Variants in PCDH19 observed in about 807,000 individuals in gnomAD.
The protein encoded by PCDH19 is protocadherin-19.
PCDH19 carries 6 observed loss-of-function variants against 46.2 expected under a neutral mutation model. The observed-to-expected ratio is 0.13, with a 90% CI of 0.07 to 0.26. PCDH19 has a LOEUF of 0.26. PCDH19 is among the 10% of genes least tolerant of loss of function. PCDH19 has a pLI of 1.00. For missense variants in PCDH19, 740 were observed against 972.3 expected (o/e 0.76, Z 3.18); for synonymous variants, 481 against 415.7 (o/e 1.16, Z -1.91).
chrX:100,393,464 C>T (rs1298911801), intron 3 of PCDH19, among the ~76,000 whole-genome samples: 1 of 96,740 alleles, frequency 1.0e-5, no homozygotes, highest in East Asian at 3.3e-4. Flanking sequence ...CTCCTTTCCC[C>T]CTCTCCCTCT....
intron 3 of PCDH19, among the ~76,000 whole-genome samples, chrX:100,352,035 G>A (rs1926586656): frequency 8.9e-6 from 1 of 112,435 alleles, no homozygotes; most frequent in Non-Finnish European, 1.9e-5. Context: ...CACTTACTCA[G>A]GTATGTTCAT....
intron 5 of PCDH19, among the ~76,000 whole-genome samples, chrX:100,328,728 C>A (rs757707826): frequency 7.1e-5 from 8 of 111,907 alleles, no homozygotes; most frequent in Non-Finnish European, 1.3e-4. Context: ...ACTACAGAAC[C>A]AACTTTTCCT....
intron 5 of PCDH19, among the ~76,000 whole-genome samples, chrX:100,317,416 G>T (rs1569290199): frequency 9.0e-6 from 1 of 111,431 alleles, no homozygotes; most frequent in Non-Finnish European, 1.9e-5. Flanking sequence ...CTGGGAAAGA[G>T]AATGAATGCT....
At chrX:100,322,514 ATTTGTTTT>A (rs922086024) in intron 5 of PCDH19, among the ~76,000 whole-genome samples, 2 of 109,338 alleles carry the variant, frequency 1.8e-5, no homozygotes, top group African/African-American at 6.7e-5. Context: ...ATTCCTCCAG[ATTTGTTTT>A]TTTGTTTTTT....
At chrX:100,329,892 A>G (rs961149813) in intron 5 of PCDH19, among the ~76,000 whole-genome samples, 3 of 112,024 alleles carry the variant, frequency 2.7e-5, no homozygotes, top group African/African-American at 9.7e-5. Context: ...AGCCTGGGCG[A>G]CACAGGGAGA....
At chrX:100,400,214 G>A (rs1024240589) in intron 3 of PCDH19, among the ~76,000 whole-genome samples, 1 of 111,842 alleles carries the variant, frequency 8.9e-6, no homozygotes, top group African/African-American at 3.3e-5. Context: ...TACTTTGTAG[G>A]ATGTATCTAT....
intron 3 of PCDH19, among the ~76,000 whole-genome samples, chrX:100,356,430 G>A (rs1384055133): frequency 1.8e-5 from 2 of 111,388 alleles, no homozygotes; most frequent in African/African-American, 6.5e-5. Context: ...ATGTTCAAAT[G>A]GTCATCTCCT....
chrX:100,395,044 C>T (rs1034928295), intron 3 of PCDH19, among the ~76,000 whole-genome samples: 1 of 110,235 alleles, frequency 9.1e-6, no homozygotes, highest in African/African-American at 3.3e-5. Flanking sequence ...CCCGCCACCA[C>T]GCCCGGCTAA....
intron 3 of PCDH19, among the ~76,000 whole-genome samples, chrX:100,399,180 TAGAG>T (rs1321234345): frequency 8.9e-6 from 1 of 111,991 alleles, no homozygotes; most frequent in East Asian, 2.8e-4. Context: ...TAACATAATA[TAGAG>T]AAATTTCTAT....
intron 3 of PCDH19, among the ~76,000 whole-genome samples, chrX:100,356,063 G>A: frequency 9.3e-6 from 1 of 107,047 alleles, no homozygotes; most frequent in Middle Eastern, 4.7e-3. Context: ...CAAATCCCAG[G>A]TCACTATACC....
intron 3 of PCDH19, among the ~76,000 whole-genome samples, chrX:100,357,767 T>C (rs949771832): frequency 8.9e-6 from 1 of 112,404 alleles, no homozygotes; most frequent in East Asian, 2.8e-4. Flanking sequence ...CCTCAGGTTC[T>C]ATGATTATTT....
At chrX:100,335,546 T>C (rs976939532) in intron 5 of PCDH19, among the ~76,000 whole-genome samples, 1 of 112,299 alleles carries the variant, frequency 8.9e-6, no homozygotes, top group Non-Finnish European at 1.9e-5. Flanking sequence ...TCTTTTCATA[T>C]TGCTTCTCTT....
At chrX:100,320,936 C>T (rs1015832831) in intron 5 of PCDH19, among the ~76,000 whole-genome samples, 4 of 106,822 alleles carry the variant, frequency 3.7e-5, no homozygotes, top group Admixed American at 2.0e-4. Flanking sequence ...AATCGCCCCC[C>T]TTCCACCCAT....
chrX:100,367,888 G>A (rs1433893367), intron 3 of PCDH19, among the ~76,000 whole-genome samples: 1 of 111,323 alleles, frequency 9.0e-6, no homozygotes, highest in African/African-American at 3.3e-5. Context: ...TATGATCTAA[G>A]GGGGATAGAC....
At chrX:100,391,197 T>G (rs1927852096) in intron 3 of PCDH19, among the ~76,000 whole-genome samples, 1 of 111,692 alleles carries the variant, frequency 9.0e-6, no homozygotes, top group Non-Finnish European at 1.9e-5. Context: ...TCCAGCTCTA[T>G]AAATTTTTAG....
chrX:100,368,408 A>T (rs1433905279), intron 3 of PCDH19, among the ~76,000 whole-genome samples: 2 of 111,609 alleles, frequency 1.8e-5, no homozygotes, highest in Non-Finnish European at 3.8e-5. Context: ...CAGCCCTATG[A>T]ATAGAGAATA....
intron 3 of PCDH19, among the ~76,000 whole-genome samples, chrX:100,360,874 C>A (rs1481056066): frequency 8.9e-6 from 1 of 111,754 alleles, no homozygotes; most frequent in Non-Finnish European, 1.9e-5. Context: ...GAAGATGACT[C>A]AAAAAATAAT....
chrX:100,355,642 G>A lies in PCDH19; in HGVS notation c.2617-4938C>T, dbSNP rs1305404793. ...GGGAAATCACATGATCTTTAATATA[G>A]GGACCTTTGTGCAATGTTTTGATTT... On this transcript the variant is annotated intron_variant, in intron 3 of 5. Coordinates refer to ENST00000373034, the MANE Select transcript of PCDH19 (RefSeq NM_001184880.2). Among the ~76,000 whole-genome samples, 4 of 111,499 alleles carry A rather than the reference G, an allele frequency of 3.6e-5. No homozygotes were observed. In the Admixed American group the frequency reaches 3.8e-4, roughly 11 times the overall value.
chrX:100,390,968 C>T (rs780431706), intron 3 of PCDH19, among the ~76,000 whole-genome samples: 17 of 111,499 alleles, frequency 1.5e-4, no homozygotes, highest in Non-Finnish European at 3.0e-4. Context: ...AAATATTTAT[C>T]TCTGTTGCAA....
Sources: allele counts gnomAD v4.1 joint callset (sites outside exome capture counted in the v4.1 genomes callset), GRCh38; gene constraint gnomAD v4.1.1; transcripts MANE v1.5; gene names NCBI Gene and HGNC (gene_info 2026-07-23, HGNC 2026-07-21).